ABTB3: variants seen among roughly 807,000 people sequenced by gnomAD.
ABTB3 encodes the protein ankyrin repeat and BTB domain containing 3.
At chr12:107,526,299 G>A in the ABTB3 span, among the ~76,000 whole-genome samples, 1 of 152,120 alleles carries the variant, frequency 6.6e-6, no homozygotes, top group Admixed American at 6.5e-5. Flanking sequence ...GACACCAGCT[G>A]GCAATTCTTT....
the ABTB3 span, among the ~76,000 whole-genome samples, chr12:107,359,433 C>T: frequency 6.6e-6 from 1 of 152,214 alleles, no homozygotes. Context: ...TCTGGGTACT[C>T]CAAGAACACT....
chr12:107,442,335 C>A, the ABTB3 span, among the ~76,000 whole-genome samples: 27 of 152,276 alleles, frequency 1.8e-4, no homozygotes, highest in East Asian at 5.2e-3. Flanking sequence ...TAACTTTCCT[C>A]CTTTCAAGGA....
the ABTB3 span, among the ~76,000 whole-genome samples, chr12:107,529,394 A>G: frequency 6.6e-6 from 1 of 151,552 alleles, no homozygotes; most frequent in Non-Finnish European, 1.5e-5. Flanking sequence ...GATGGTGATG[A>G]TGATGGTGAT....
the ABTB3 span, among the ~76,000 whole-genome samples, chr12:107,587,525 G>A: frequency 0.15 from 22,376 of 152,126 alleles, 1,771 homozygotes; most frequent in East Asian, 0.29. Flanking sequence ...GCAGGAATGG[G>A]GGAGTGAGTG....
At chr12:107,499,772 A>G in the ABTB3 span, among the ~76,000 whole-genome samples, 4 of 150,030 alleles carry the variant, frequency 2.7e-5, no homozygotes, top group South Asian at 2.1e-4. Flanking sequence ...TACAACCTCT[A>G]CCTCCCAGGT....
At chr12:107,354,859 C>T in the ABTB3 span, among the ~76,000 whole-genome samples, 125 of 152,308 alleles carry the variant, frequency 8.2e-4, 2 homozygotes, top group South Asian at 0.021. Context: ...TGGCAATTCA[C>T]TGGTTTATTC....
the ABTB3 span, among the ~76,000 whole-genome samples, chr12:107,642,760 C>T: frequency 6.6e-6 from 1 of 152,064 alleles, no homozygotes; most frequent in African/African-American, 2.4e-5. Context: ...CTAAATCTAC[C>T]CCAATTAGGA....
At chr12:107,643,752 CTTTT>C in the ABTB3 span, among the ~76,000 whole-genome samples, 4 of 111,364 alleles carry the variant, frequency 3.6e-5, no homozygotes, top group African/African-American at 1.1e-4. Context: ...ATTGTTATTC[CTTTT>C]TTTTTTTTTT....
At chr12:107,452,344 ACACAGGCG>A in the ABTB3 span, among the ~76,000 whole-genome samples, 1 of 151,016 alleles carries the variant, frequency 6.6e-6, no homozygotes, top group Admixed American at 6.6e-5. Flanking sequence ...AGTAGCTGGG[ACACAGGCG>A]CCCACCACCA....
At chr12:107,654,638 GA>G in the ABTB3 span, among the ~76,000 whole-genome samples, 2 of 152,128 alleles carry the variant, frequency 1.3e-5, no homozygotes, top group African/African-American at 2.4e-5. Flanking sequence ...TATATTCCCA[GA>G]AGTGTAGTAC....
At chr12:107,520,424 C>T in the ABTB3 span, 3 of 1,571,226 alleles carry the variant, frequency 1.9e-6, no homozygotes, top group Non-Finnish European at 2.6e-6. Context: ...GCACCCTTCC[C>T]TCGGTTAACT....
chr12:107,450,737 G>C, the ABTB3 span, among the ~76,000 whole-genome samples: 1 of 152,188 alleles, frequency 6.6e-6, no homozygotes, highest in Admixed American at 6.5e-5. Context: ...TCTCTGGTTA[G>C]TCTGGTCTTT....
the ABTB3 span, among the ~76,000 whole-genome samples, chr12:107,411,473 G>A: frequency 6.6e-6 from 1 of 152,232 alleles, no homozygotes; most frequent in Non-Finnish European, 1.5e-5. Flanking sequence ...AATAAGTGCG[G>A]TGTCTGGCAT....
At chr12:107,619,945 C>T in the ABTB3 span, 3 of 1,534,252 alleles carry the variant, frequency 2.0e-6, no homozygotes, top group Admixed American at 4.1e-5. Context: ...CTCTCTCTCC[C>T]CCTCCCCTGC....
At chr12:107,411,573 C>T in the ABTB3 span, among the ~76,000 whole-genome samples, 1 of 152,180 alleles carries the variant, frequency 6.6e-6, no homozygotes, top group Non-Finnish European at 1.5e-5. Flanking sequence ...GGTGTGGCAA[C>T]TTGGTGAGGT....
At chr12:107,516,932 C>T in the ABTB3 span, among the ~76,000 whole-genome samples, 1 of 152,106 alleles carries the variant, frequency 6.6e-6, no homozygotes, top group Non-Finnish European at 1.5e-5. Flanking sequence ...TGAATATGTC[C>T]TCTTCTTTTG....
chr12:107,626,570 G>T, the ABTB3 span, among the ~76,000 whole-genome samples: 1 of 151,584 alleles, frequency 6.6e-6, no homozygotes, highest in Non-Finnish European at 1.5e-5. Flanking sequence ...GGATAGTCTC[G>T]ATCTCCTGAC....
chr12:107,482,924 CTT>C, the ABTB3 span, among the ~76,000 whole-genome samples: 26 of 27,748 alleles, frequency 9.4e-4, no homozygotes, highest in African/African-American at 5.2e-3. Flanking sequence ...TTCTTTCTTT[CTT>C]TCTTTCTTTC....
chr12:107,391,446 C>T, the ABTB3 span, among the ~76,000 whole-genome samples: 1 of 152,114 alleles, frequency 6.6e-6, no homozygotes, highest in African/African-American at 2.4e-5. Flanking sequence ...GGCCAAAACA[C>T]AGAGCACTTG....
Sources: allele counts gnomAD v4.1 joint callset (sites outside exome capture counted in the v4.1 genomes callset), GRCh38; gene constraint gnomAD v4.1.1; transcripts MANE v1.5; gene names NCBI Gene and HGNC (gene_info 2026-07-23, HGNC 2026-07-21).